EIF2B3: variants seen among roughly 807,000 people sequenced by gnomAD.
The protein encoded by EIF2B3 is translation initiation factor eIF2B subunit gamma.
A neutral mutation model predicts 54.1 loss-of-function variants in EIF2B3; 20 were observed. That is an observed-to-expected ratio of 0.37 (90% CI 0.26 to 0.54). The LOEUF (loss-of-function observed/expected upper bound fraction) is 0.54. EIF2B3 is among the 20% of genes least tolerant of loss of function. The pLI is 0.86. For synonymous variants in EIF2B3, 153 were observed against 188.1 expected, an observed-to-expected ratio of 0.81 and a Z score of 1.52; for missense variants, 448 against 547.8, an observed-to-expected ratio of 0.82 and a Z score of 1.82.
chr1:44,933,334 T>C (rs1016577454), intron 4 of EIF2B3, among the ~76,000 whole-genome samples: 2 of 152,060 alleles, frequency 1.3e-5, no homozygotes, highest in Admixed American at 6.6e-5. Context: ...TATTAGGAAA[T>C]TGGGCCAAAT....
At chr1:44,934,023 G>A (rs920732435) in intron 4 of EIF2B3, among the ~76,000 whole-genome samples, 1 of 152,108 alleles carries the variant, frequency 6.6e-6, no homozygotes, top group African/African-American at 2.4e-5. Context: ...TAGGGAGGCT[G>A]AGGCAAGAGA....
chr1:44,915,602 G>A (rs1643605808), intron 5 of EIF2B3, among the ~76,000 whole-genome samples: 1 of 152,094 alleles, frequency 6.6e-6, no homozygotes, highest in Admixed American at 6.6e-5. Flanking sequence ...GGGCTAAAGT[G>A]ATTCTCCAGC....
chr1:44,921,586 A>G (rs1484244962), intron 5 of EIF2B3, among the ~76,000 whole-genome samples: 1 of 152,212 alleles, frequency 6.6e-6, no homozygotes, highest in Non-Finnish European at 1.5e-5. Flanking sequence ...ACAGGGGTCT[A>G]GTTTCATTCT....
intron 3 of EIF2B3, among the ~76,000 whole-genome samples, chr1:44,945,227 A>C (rs1393252024): frequency 6.6e-6 from 1 of 151,584 alleles, no homozygotes; most frequent in African/African-American, 2.4e-5. Flanking sequence ...GGCTCTCTAA[A>C]TTCTTTTTAG....
At chr1:44,897,864 G>A (rs1656029200) in intron 5 of EIF2B3, among the ~76,000 whole-genome samples, 1 of 151,438 alleles carries the variant, frequency 6.6e-6, no homozygotes. Context: ...AGCCTACCGA[G>A]TAGCTGAAAC....
chr1:44,874,791 C>G lies in EIF2B3; in HGVS notation c.1089G>C (p.Gln363His), dbSNP rs1478937608. 1.2e-6 allele frequency: 2 copies of G among 1,614,154 alleles called. No homozygotes were observed. Among genetic ancestry groups the G allele is most frequent in the Non-Finnish European group, 1.7e-6 (2 of 1,180,020 alleles). ...GVDSLIGPET[Q>H]IGEKSSIKRS... The stretch of plus-strand genomic sequence containing the variant: ...GCTTAATGGATGACTTCTCTCCAAT[C>G]TGTGTCTCTGGCCCAATGAGGCTGT... Residue 363 changes from glutamine to histidine, a missense_variant, in exon 10 of 12, where the codon CAG becomes CAC. Physicochemically the swap from Gln to His is conservative, Grantham distance 24. Coordinates refer to ENST00000360403, the MANE Select transcript of EIF2B3 (RefSeq NM_020365.5).
At chr1:44,958,048 A>T (rs114857295) in intron 3 of EIF2B3, among the ~76,000 whole-genome samples, 1,524 of 152,258 alleles carry the variant, frequency 0.01, 30 homozygotes, top group African/African-American at 0.035. Flanking sequence ...CTACCTAAAA[A>T]CCCAACCATA....
At chr1:44,877,222 A>AAAAAAAAAAAAAAAAAC (rs1655223113) in intron 8 of EIF2B3, among the ~76,000 whole-genome samples, 1 of 148,782 alleles carries the variant, frequency 6.7e-6, no homozygotes, top group Admixed American at 6.6e-5. Context: ...AAAAAAAAAA[A>AAAAAAAAAAAAAAAAAC]CACCTTAGGT....
chr1:44,874,850 T>C (rs1345262086), intron 9 of EIF2B3, 24 bp from the exon 10 acceptor site: 5 of 1,613,874 alleles, frequency 3.1e-6, no homozygotes, highest in African/African-American at 2.7e-5. Flanking sequence ...AATATAAAAC[T>C]CTGTCCACCC....
rs77957684 is a variant in EIF2B3 at position 44,941,429 on chromosome 1, G to A, written c.454+77C>T. On this transcript the variant is annotated intron_variant, in intron 4 of 11. Transcript: ENST00000360403. ...GATGTATAGTAGATTCTTAATAAAT[G>A]TTTTTTCAGGGAAAGCATGAGTGAG... The A allele has an allele frequency of 7.1e-3, 10,573 of 1,492,864 alleles. 61 individuals are homozygous for A. The highest frequency in any genetic ancestry group is 0.013 in the East Asian group (568 of 44,098). 92.5% of individuals were successfully genotyped at this position (1,492,864 alleles called of 1,614,324 possible).
intron 5 of EIF2B3, among the ~76,000 whole-genome samples, chr1:44,920,723 T>G (rs1037551332): frequency 2.6e-4 from 40 of 152,366 alleles, no homozygotes; most frequent in African/African-American, 9.4e-4. Context: ...CAGGATCTCA[T>G]TCTTTTTTAT....
chr1:44,853,054 G>A (rs770166795), intron 11 of EIF2B3, among the ~76,000 whole-genome samples: 1 of 152,114 alleles, frequency 6.6e-6, no homozygotes. Context: ...GACAAGTGAG[G>A]GAGAGGAGAG....
intron 3 of EIF2B3, among the ~76,000 whole-genome samples, chr1:44,967,735 T>C (rs919977972): frequency 2.9e-5 from 3 of 104,436 alleles, no homozygotes; most frequent in Non-Finnish European, 5.5e-5. Flanking sequence ...TGAGATGCTG[T>C]CTTCAAAAAA....
In EIF2B3 at chr1:44,945,541, A is replaced by C. The variant is rs12131214; in HGVS notation, c.295-3876T>G. On this transcript the variant is annotated intron_variant, in intron 3 of 11. Coordinates refer to ENST00000360403, the MANE Select transcript of EIF2B3 (RefSeq NM_020365.5). ...TGCACTCCAGCCTGGGTAACAGCGC[A>C]AGACTCCGTCTCAAAAAAAAAAAAA... is the stretch of plus-strand genomic sequence containing the variant. 2.1e-3 allele frequency among the ~76,000 whole-genome samples: 314 copies of C among 149,230 alleles called. 1 individual carries two copies. Among genetic ancestry groups the C allele is most frequent in the Admixed American group, 2.2e-3 (33 of 14,834 alleles).
chr1:44,885,978 C>A (rs374545307), intron 6 of EIF2B3, among the ~76,000 whole-genome samples: 1 of 150,988 alleles, frequency 6.6e-6, no homozygotes, highest in East Asian at 1.9e-4. Flanking sequence ...AACTCCTGAC[C>A]TCGTGATCCG....
chr1:44,900,113 A>G (rs564033713), intron 5 of EIF2B3, among the ~76,000 whole-genome samples: 2 of 152,334 alleles, frequency 1.3e-5, no homozygotes, highest in South Asian at 2.1e-4. Flanking sequence ...GGTCTCACTT[A>G]TAAGTGGGAG....
intron 3 of EIF2B3, among the ~76,000 whole-genome samples, chr1:44,954,361 T>C (rs1305872561): frequency 6.6e-6 from 1 of 152,234 alleles, no homozygotes; most frequent in Non-Finnish European, 1.5e-5. Flanking sequence ...TTCCTATCCA[T>C]GAGCATGGAA....
intron 6 of EIF2B3, among the ~76,000 whole-genome samples, chr1:44,889,025 G>A (rs1233203666): frequency 6.6e-6 from 1 of 152,242 alleles, no homozygotes; most frequent in East Asian, 1.9e-4. Flanking sequence ...TTTTCACAGT[G>A]ATGCCCTGGG....
intron 5 of EIF2B3, among the ~76,000 whole-genome samples, chr1:44,920,087 T>C (rs1471425524): frequency 6.7e-6 from 1 of 150,214 alleles, no homozygotes; most frequent in Non-Finnish European, 1.5e-5. Flanking sequence ...CAGGCTGGAG[T>C]GCAATGATGC....
Sources: gnomAD v4.1 joint callset for allele counts (sites outside exome capture counted in the v4.1 genomes callset) on GRCh38, gnomAD v4.1.1 for gene constraint, MANE v1.5 for transcripts, NCBI Gene and HGNC (gene_info 2026-07-23, HGNC 2026-07-21) for gene names.